SAP130: variants seen among roughly 807,000 people sequenced by gnomAD.
SAP130 encodes the protein histone deacetylase complex subunit SAP130.
A neutral mutation model predicts 103.2 loss-of-function variants in SAP130; 16 were observed. The observed-to-expected ratio is 0.16, with a 90% confidence interval of 0.10 to 0.24. The LOEUF (loss-of-function observed/expected upper bound fraction) is 0.24. SAP130 is among the 10% of genes least tolerant of loss of function. The pLI is 1.00. For missense variants in SAP130, 990 were observed against 1,359.7 expected, an observed-to-expected ratio of 0.73 and a Z score of 4.28; for synonymous variants, 477 against 497.0, an observed-to-expected ratio of 0.96 and a Z score of 0.53.
intron 2 of SAP130, among the ~76,000 whole-genome samples, chr2:128,024,058 CAA>C (rs35066158): frequency 0.019 from 2,956 of 152,068 alleles, 86 homozygotes; most frequent in East Asian, 0.14. Context: ...TGCAAAGTCC[CAA>C]AGTCGTGAAA....
chr2:127,989,560 T>C lies in SAP130; in HGVS notation c.1780+4A>G. On this transcript the variant is annotated splice_donor_region_variant and intron_variant, in intron 13 of 20. Transcript: ENST00000643581. The surrounding 1 kb of genome is among the most constrained non-coding windows in gnomAD (Gnocchi z 4.6). ...CCACCTTCTATGCAAAAATTTAAAA[T>C]TACCTGAAGTCTTTCCTTCAGGCTG... 1 of 1,589,706 alleles carries C rather than the reference T, an allele frequency of 6.3e-7. No individual in the cohort carries two copies. Among genetic ancestry groups the C allele is most frequent in the Middle Eastern group, 1.7e-4 (1 of 5,932 alleles).
intron 1 of SAP130, chr2:128,027,441 C>A (rs1016325418): frequency 9.0e-7 from 1 of 1,112,052 alleles, no homozygotes; most frequent in African/African-American, 1.6e-5. Flanking sequence ...AGGCGCGAGC[C>A]TGGCCGGGGC....
intron 14 of SAP130, among the ~76,000 whole-genome samples, chr2:127,985,923 C>T (rs776861643): frequency 1.4e-4 from 21 of 152,032 alleles, no homozygotes; most frequent in Admixed American, 2.6e-4. Flanking sequence ...TGGAAGAGCA[C>T]ATGACAGACG....
chr2:128,026,414 T>A, intron 1 of SAP130, 116 bp from the exon 2 acceptor site: 1 of 664,406 alleles, frequency 1.5e-6, no homozygotes, highest in African/African-American at 1.8e-5. Context: ...AAATGCTGCA[T>A]CATTTATTTA....
chr2:127,969,844 C>T (rs2104863747), intron 15 of SAP130, among the ~76,000 whole-genome samples: 1 of 152,258 alleles, frequency 6.6e-6, no homozygotes, highest in Non-Finnish European at 1.5e-5. Context: ...CCTGTAATCC[C>T]AGCATTTTGG....
chr2:127,973,408 T>C (rs1681230226), intron 15 of SAP130, among the ~76,000 whole-genome samples: 1 of 152,184 alleles, frequency 6.6e-6, no homozygotes, highest in South Asian at 2.1e-4. Flanking sequence ...AATTTTGTAT[T>C]TTTAGTAGAG....
At position 128,017,766 on chromosome 2, in the gene SAP130, C is replaced by A. The variant is rs377732909; in HGVS notation, c.262G>T (p.Ala88Ser). Residue 88 changes from alanine to serine, a missense_variant, in exon 3 of 21, where the codon GCA becomes TCA. Physicochemically the swap from Ala to Ser is moderately conservative, Grantham distance 99 (BLOSUM62 1). Around this residue, in one of 6 missense-constraint regions of SAP130, gnomAD observed 167 missense variants for 187.4 expected, o/e 0.89. Transcript: ENST00000643581. Reference sequence around the variant, plus strand: ...GTCACTGCAACAGGTGTGGCTGATGCGACAGCATGGTGTGTCGACAACATC... The same window carrying A: ...GTCACTGCAACAGGTGTGGCTGATGAGACAGCATGGTGTGTCGACAACATC... ...VQMLSTHHAV[A>S]SATPVAVTAP... 1.5e-5 allele frequency: 24 copies of A among 1,614,052 alleles called. No homozygotes were observed. Among genetic ancestry groups the A allele is most frequent in the Non-Finnish European group, 2.0e-5 (24 of 1,180,048 alleles).
At chr2:128,026,078 A>T in intron 2 of SAP130, 103 bp downstream of exon 2, 1 of 802,658 alleles carries the variant, frequency 1.2e-6, no homozygotes, top group South Asian at 1.7e-5. Flanking sequence ...TTCAAGAAAC[A>T]AGAATTTACT....
At chr2:127,973,211 T>C (rs760927342) in intron 15 of SAP130, among the ~76,000 whole-genome samples, 4 of 152,178 alleles carry the variant, frequency 2.6e-5, no homozygotes, top group Non-Finnish European at 4.4e-5. Context: ...TCTACTTCAA[T>C]TCTAGAGCTG....
chr2:127,986,425 T>C lies in SAP130; in HGVS notation c.1958+360A>G, dbSNP rs1183054390. 6.6e-6 allele frequency among the ~76,000 whole-genome samples: 1 copy of C among 152,206 alleles called. No individual in the cohort carries two copies. The highest frequency in any genetic ancestry group is 1.9e-4 in the East Asian group (1 of 5,194). ...TTCCCGTTTCAACAGCAACGATTCA[T>C]GCTGAATGAAGTTTATAGTATGAGT... On this transcript the variant is annotated intron_variant, in intron 14 of 20. Coordinates refer to ENST00000643581, the MANE Select transcript of SAP130 (RefSeq NM_001330301.2). The surrounding 1 kb of genome is among the most constrained non-coding windows in gnomAD (Gnocchi z 4.7).
chr2:128,027,207 G>A, intron 1 of SAP130: 1 of 1,216,210 alleles, frequency 8.2e-7, no homozygotes, highest in Non-Finnish European at 1.0e-6. Flanking sequence ...GAGGGATCGC[G>A]GCGGCGGCGC....
intron 10 of SAP130, among the ~76,000 whole-genome samples, chr2:127,998,063 A>G (rs970688789): frequency 2.0e-4 from 30 of 151,730 alleles, no homozygotes; most frequent in African/African-American, 7.0e-4. Context: ...AGCTGAGAGC[A>G]TGCCACTGCA....
Position 127,941,765 on chromosome 2 carries a change from C to A in SAP130, c.*241G>T. ...TGGTGGACACTGATGCATCCGGAGTCACTTATGACACAGATCAGGTTTAAC... is the reference window on the plus strand; with the variant it reads ...TGGTGGACACTGATGCATCCGGAGTAACTTATGACACAGATCAGGTTTAAC... On this transcript the variant is annotated 3_prime_UTR_variant, in exon 21 of 21. Transcript: ENST00000643581. The A allele has an allele frequency of 2.0e-6, 1 of 497,668 alleles. No individual in the cohort carries two copies. The highest frequency in any genetic ancestry group is 3.5e-6 in the Non-Finnish European group (1 of 285,492). The allele number at this position is 497,668 out of a possible 1,614,324, so 30.8% of individuals were successfully genotyped here. A position where few individuals can be genotyped will look rare whatever the true frequency, so the allele number is the denominator to read the frequency against.
intron 14 of SAP130, among the ~76,000 whole-genome samples, chr2:127,984,364 C>T (rs751602): frequency 0.68 from 103,786 of 152,080 alleles, 36,759 homozygotes; most frequent in Non-Finnish European, 0.77. Context: ...TTCCAAGGTG[C>T]TTTGGGCATG....
chr2:127,991,625 C>T (rs1404338613), intron 12 of SAP130, among the ~76,000 whole-genome samples: 2 of 152,146 alleles, frequency 1.3e-5, no homozygotes, highest in African/African-American at 4.8e-5. Context: ...AGCCACCGCA[C>T]CTGGCCTAAA....
At chr2:128,026,579 A>G (rs528612212) in intron 1 of SAP130, among the ~76,000 whole-genome samples, 30 of 152,372 alleles carry the variant, frequency 2.0e-4, no homozygotes, top group Non-Finnish European at 3.8e-4. Flanking sequence ...ATCCTGTACA[A>G]GAGTCACATG....
chr2:127,972,966 C>T (rs1404194517), intron 15 of SAP130, among the ~76,000 whole-genome samples: 1 of 151,938 alleles, frequency 6.6e-6, no homozygotes, highest in Non-Finnish European at 1.5e-5. Context: ...AACAAAAACC[C>T]GAAGTGTTCA....
chr2:127,947,764 C>CTGTGTGTGTGAGAG (rs147211610), intron 18 of SAP130, among the ~76,000 whole-genome samples: 33 of 143,422 alleles, frequency 2.3e-4, no homozygotes, highest in Non-Finnish European at 3.5e-4. Context: ...TTGTGTGTGT[C>CTGTGTGTGTGAGAG]TGTGTGTGTG....
intron 2 of SAP130, among the ~76,000 whole-genome samples, chr2:128,018,205 G>A (rs1021279450): frequency 4.7e-5 from 7 of 149,158 alleles, no homozygotes; most frequent in Admixed American, 6.8e-5. Context: ...AATACAGGAT[G>A]TAAGACAATT....
Sources: allele counts gnomAD v4.1 joint callset (sites outside exome capture counted in the v4.1 genomes callset), GRCh38; gene constraint gnomAD v4.1.1; regional missense constraint gnomAD v4.1.1; non-coding constraint Gnocchi (gnomAD v3.1); transcripts MANE v1.5; gene names NCBI Gene and HGNC (gene_info 2026-07-23, HGNC 2026-07-21).